HNRNPH1: variants seen among roughly 807,000 people sequenced by gnomAD.
HNRNPH1 encodes heterogeneous nuclear ribonucleoprotein H.
HNRNPH1 carries 4 observed loss-of-function variants against 58.6 expected under a neutral mutation model. The ratio of observed to expected loss-of-function variants is 0.07; its 90% CI spans 0.03 to 0.16. The LOEUF is 0.16. Ranked by LOEUF, HNRNPH1 falls within the 10% of genes least tolerant of loss-of-function variation. The pLI is 1.00. For missense variants in HNRNPH1, 271 were observed against 564.2 expected (o/e 0.48, Z 5.26); for synonymous variants, 192 against 189.2 (o/e 1.01, Z -0.12).
At chr5:179,631,886 C>T (rs1389370527) in intron 2 of HNRNPH1, among the ~76,000 whole-genome samples, 1 of 152,086 alleles carries the variant, frequency 6.6e-6, no homozygotes, top group African/African-American at 2.4e-5. Flanking sequence ...CCCCTTAACT[C>T]CAACCTAGGC....
chr5:179,628,836 C>T (rs1465148568), upstream of HNRNPH1, among the ~76,000 whole-genome samples: 2 of 151,926 alleles, frequency 1.3e-5, no homozygotes, highest in Admixed American at 6.6e-5. Flanking sequence ...GATAAATTAA[C>T]CGGGTGTGGT....
Position 179,615,146 on chromosome 5 carries a change from A to C in HNRNPH1, c.*1-187T>G, listed in dbSNP as rs377014329. The C allele has an allele frequency of 4.6e-5, 25 of 546,400 alleles. No individual in the cohort carries two copies. In the Admixed American group the frequency reaches 4.6e-4, roughly 10 times the overall value. The allele number at this position is 546,400 out of a possible 1,614,324, so 33.8% of individuals were successfully genotyped here. Reference sequence around the variant, plus strand: ...GCCTCAATTAACCCCTTTTCTCTGCAGTACCAACTTGCCAGACTCTTGTGC... The same window carrying C: ...GCCTCAATTAACCCCTTTTCTCTGCCGTACCAACTTGCCAGACTCTTGTGC... On this transcript the variant is annotated intron_variant, in intron 12 of 12. Coordinates refer to ENST00000356731, the Ensembl canonical transcript of HNRNPH1.
chr5:179,627,965 G>A (rs1397552097), upstream of HNRNPH1, among the ~76,000 whole-genome samples: 3 of 143,334 alleles, frequency 2.1e-5, no homozygotes, highest in Non-Finnish European at 4.5e-5. Flanking sequence ...TGTGATTACA[G>A]GCATGCACCA....
At chr5:179,626,414 T>C (rs1162387317), upstream of HNRNPH1, among the ~76,000 whole-genome samples, 1 of 151,748 alleles carries the variant, frequency 6.6e-6, no homozygotes, top group Non-Finnish European at 1.5e-5. Context: ...CAAAGGTTTT[T>C]TTAAATAAAA....
In HNRNPH1 at chr5:179,618,080, C is replaced by G. The variant is rs1317205398; in HGVS notation, c.716-20G>C. The G allele has an allele frequency of 6.2e-7, 1 of 1,613,654 alleles. No homozygotes were observed. Among genetic ancestry groups the G allele is most frequent in the Non-Finnish European group, 8.5e-7 (1 of 1,179,656 alleles). Reference sequence around the variant, plus strand: ...CATAGCCTGAAAGACAAAGTACAATCAATCAAATAAAACACCTAGACAAAG... The same window carrying G: ...CATAGCCTGAAAGACAAAGTACAATGAATCAAATAAAACACCTAGACAAAG... On this transcript the variant is annotated intron_variant, in intron 5 of 12. Transcript: ENST00000356731.
Position 179,617,501 on chromosome 5 carries a change from C to G in HNRNPH1, c.1057+13G>C, listed in dbSNP as rs1770373880. 1.2e-6 allele frequency: 2 copies of G among 1,611,462 alleles called. No individual in the cohort carries two copies. The highest frequency in any genetic ancestry group is 2.7e-5 in the African/African-American group (2 of 74,974). On this transcript the variant is annotated intron_variant, in intron 8 of 12. Transcript: ENST00000356731. ...CACCTGTTAAGAGCCCACAAATGCT[C>G]AATCACACTTACGCATATTTGCTTT...
chr5:179,629,049 G>A (rs1473030434), upstream of HNRNPH1: 2 of 150,494 alleles, frequency 1.3e-5, no homozygotes, highest in East Asian at 2.0e-4. Context: ...TGTAATCCCA[G>A]CACTTTGGGA....
At chr5:179,618,008 C>T in exon 6 of HNRNPH1, 1 of 1,614,198 alleles carries the variant, frequency 6.2e-7, no homozygotes, top group Non-Finnish European at 8.5e-7. Context: ...ATCTATCTGA[C>T]CCAAATCCAT....
intron 3 of HNRNPH1, 68 bp downstream of exon 4, chr5:179,620,824 C>A: frequency 2.1e-6 from 3 of 1,416,440 alleles, no homozygotes; most frequent in African/African-American, 1.4e-5. Context: ...TCAACTTTAA[C>A]GTCTATTAAA....
chr5:179,623,278 C>T, exon 1 of HNRNPH1: 1 of 507,696 alleles, frequency 2.0e-6, no homozygotes, highest in Admixed American at 3.0e-5. Context: ...CGGATGCACC[C>T]ACCCCGGCGA....
intron 2 of HNRNPH1, among the ~76,000 whole-genome samples, chr5:179,630,037 A>T (rs1299458031): frequency 6.7e-6 from 1 of 149,992 alleles, no homozygotes; most frequent in Non-Finnish European, 1.5e-5. Flanking sequence ...AAAACAAAAA[A>T]ACAGAACCCT....
rs761652664 is a variant in HNRNPH1 at position 179,617,948 on chromosome 5, T to C, written c.788-16A>G. 7 of 1,613,882 alleles carry C rather than the reference T, an allele frequency of 4.3e-6. No homozygotes were observed. Among genetic ancestry groups the C allele is most frequent in the Non-Finnish European group, 5.9e-6 (7 of 1,179,918 alleles). Reference sequence around the variant, plus strand: ...TAATTGAGGTCTAGATGGACAAGAGTGTAAGCATCCTTCAACTGAGAAATT... The same window carrying C: ...TAATTGAGGTCTAGATGGACAAGAGCGTAAGCATCCTTCAACTGAGAAATT... On this transcript the variant is annotated splice_polypyrimidine_tract_variant and intron_variant, in intron 6 of 12. Transcript: ENST00000356731.
exon 1 of HNRNPH1, chr5:179,624,350 C>A (rs1366834836): frequency 7.6e-6 from 3 of 395,914 alleles, no homozygotes; most frequent in African/African-American, 2.1e-5. Context: ...CCGGTCGGCG[C>A]GAGGTTTCCG....
upstream of HNRNPH1, chr5:179,624,680 C>T (rs879038985): frequency 3.3e-5 from 13 of 398,356 alleles, no homozygotes; most frequent in Admixed American, 3.1e-4. Flanking sequence ...TGCCCAAAAC[C>T]TAAGATGCCG....
At chr5:179,618,011 A>G (rs749682820) in exon 6 of HNRNPH1, 8 of 1,614,220 alleles carry the variant, frequency 5.0e-6, no homozygotes, top group Non-Finnish European at 6.8e-6. Context: ...TATCTGACCC[A>G]AATCCATAGC....
At chr5:179,631,355 T>C (rs115294460) in intron 2 of HNRNPH1, among the ~76,000 whole-genome samples, 1,881 of 152,274 alleles carry the variant, frequency 0.012, 45 homozygotes, top group African/African-American at 0.043. Context: ...CTCATGCCTA[T>C]AATCTCAGTA....
At chr5:179,614,870 A>G in exon 13 of HNRNPH1, 1 of 1,545,896 alleles carries the variant, frequency 6.5e-7, no homozygotes, top group South Asian at 1.2e-5. Context: ...CTCATACTGG[A>G]CATGCTAGAC....
chr5:179,634,001 T>C (rs930904657), intron 2 of HNRNPH1: 1 of 151,934 alleles, frequency 6.6e-6, no homozygotes, highest in African/African-American at 2.4e-5. Context: ...ACTATGGTGC[T>C]TTCCTCAGGG....
intron 2 of HNRNPH1, chr5:179,633,923 T>TAAAATAAAATAAAATAAAATA (rs1554137357): frequency 6.8e-6 from 1 of 147,540 alleles, no homozygotes; most frequent in Non-Finnish European, 1.5e-5. Context: ...GTCTCTAAAA[T>TAAAATAAAATAAAATAAAATA]AAATAAAATA....
Sources: allele counts gnomAD v4.1 joint callset (sites outside exome capture counted in the v4.1 genomes callset), GRCh38; gene constraint gnomAD v4.1.1; transcripts MANE v1.5; gene names NCBI Gene and HGNC (gene_info 2026-07-23, HGNC 2026-07-21).